Variants in PCDHGA7 observed in about 807,000 individuals in gnomAD.
PCDHGA7 encodes the protein protocadherin gamma subfamily A, 7.
In PCDHGA7, 44 loss-of-function variants were observed where a neutral mutation model predicts 58.3. The observed-to-expected ratio is 0.75, with a 90% CI of 0.59 to 0.97. The LOEUF is 0.97. Ranked by LOEUF, PCDHGA7 falls within the 50% of genes least tolerant of loss-of-function variation. The probability of loss-of-function intolerance (pLI) is 0.00; values close to 1 mark genes in which losing one functional copy is unlikely to be tolerated. For synonymous variants in PCDHGA7, 516 were observed against 504.2 expected (o/e 1.02, Z -0.31); for missense variants, 1,266 against 1,188.7 (o/e 1.06, Z -0.96).
intron 1 of PCDHGA7, among the ~76,000 whole-genome samples, chr5:141,451,073 C>A (rs1346074089): frequency 6.6e-6 from 1 of 151,958 alleles, no homozygotes; most frequent in Non-Finnish European, 1.5e-5. Flanking sequence ...TGTGATCCAC[C>A]CACCTTGACC....
intron 1 of PCDHGA7, among the ~76,000 whole-genome samples, chr5:141,406,791 C>T (rs893207613): frequency 2.0e-5 from 3 of 152,182 alleles, no homozygotes; most frequent in Non-Finnish European, 4.4e-5. Context: ...TATATTATTT[C>T]TGGCTCAATT....
chr5:141,500,499 G>T lies in PCDHGA7; in HGVS notation c.2484-4894G>T, dbSNP rs531501031. On this transcript the variant is annotated intron_variant, in intron 2 of 3. Transcript: ENST00000518325. ...GCTGGGATTACAGGCGTGAGCCACC[G>T]CGCCTGGCCGAGCTTCATTTTAAAA... Among the ~76,000 whole-genome samples, 24 of 152,088 alleles carry T rather than the reference G, an allele frequency of 1.6e-4. 1 individual carries two copies. In the Middle Eastern group the frequency reaches 0.01, roughly 65 times the overall value.
At chr5:141,497,020 C>T (rs138768677) in intron 2 of PCDHGA7, among the ~76,000 whole-genome samples, 8 of 152,122 alleles carry the variant, frequency 5.3e-5, no homozygotes, top group African/African-American at 1.7e-4. Flanking sequence ...GAAACCCCAT[C>T]TCGATTAAAA....
chr5:141,439,458 C>T (rs2098114160), intron 1 of PCDHGA7, among the ~76,000 whole-genome samples: 1 of 152,214 alleles, frequency 6.6e-6, no homozygotes, highest in East Asian at 1.9e-4. Flanking sequence ...AGCAAGACTG[C>T]ACTGCTGCCT....
At chr5:141,481,216 G>T (rs2099534005) in intron 1 of PCDHGA7, among the ~76,000 whole-genome samples, 3 of 152,110 alleles carry the variant, frequency 2.0e-5, no homozygotes, top group Admixed American at 6.5e-5. Flanking sequence ...ACATGGTAAG[G>T]TCTCCCAGCC....
chr5:141,439,638 C>T (rs1256973189), intron 1 of PCDHGA7, among the ~76,000 whole-genome samples: 2 of 152,184 alleles, frequency 1.3e-5, no homozygotes, highest in African/African-American at 4.8e-5. Context: ...GACATTCCGG[C>T]TTGGTGGCTT....
rs761492460 is a variant in PCDHGA7, at chr5:141,389,630, T to C, written c.2424+4307T>C. The C allele has an allele frequency of 9.9e-6, 16 of 1,612,872 alleles. No homozygotes were observed. The Admixed American group carries it at 1.8e-4, about 18-fold the overall frequency. ...ATATGGTGCCGCACGCTGCAGAGCC[T>C]GGCTACTTGGTGACCAAGGTAGTGG... On this transcript the variant is annotated intron_variant, in intron 1 of 3. Coordinates refer to ENST00000518325, the MANE Select transcript of PCDHGA7 (RefSeq NM_018920.4).
chr5:141,389,152 C>T (rs1176301501), intron 1 of PCDHGA7: 2 of 1,614,022 alleles, frequency 1.2e-6, no homozygotes, highest in South Asian at 2.2e-5. Flanking sequence ...GTTACGGCAA[C>T]AGATCGGGGC....
chr5:141,466,147 G>A (rs2099117729), intron 1 of PCDHGA7, among the ~76,000 whole-genome samples: 1 of 151,722 alleles, frequency 6.6e-6, no homozygotes, highest in South Asian at 2.1e-4. Flanking sequence ...TGAAAACTCT[G>A]GTCTTAAACT....
In PCDHGA7 at chr5:141,434,915, T is replaced by A. The variant is rs1301814716; in HGVS notation, c.2424+49592T>A. Among the ~76,000 whole-genome samples, 3 of 151,830 alleles carry A rather than the reference T, an allele frequency of 2.0e-5. No homozygotes were observed. The East Asian group carries it at 5.8e-4, about 29-fold the overall frequency. ...GTCCCCTTCCCTCATACCTTATTTATGTACATATATTTTATATAATAGATA... is the reference window on the plus strand; with the variant it reads ...GTCCCCTTCCCTCATACCTTATTTAAGTACATATATTTTATATAATAGATA... On this transcript the variant is annotated intron_variant, in intron 1 of 3. Transcript: ENST00000518325.
rs138616951 is a variant in PCDHGA7, at chr5:141,490,312, C to T, written c.2425-4495C>T. On this transcript the variant is annotated intron_variant, in intron 1 of 3. Transcript: ENST00000518325. The surrounding 1 kb of genome is among the most constrained non-coding windows in gnomAD (Gnocchi z 5.4). ...GGTGCTATTGGCCTCTTTGGCCAAC[C>T]CTGTCCTAGAGAGCACACCAGTGGG... 67 of 1,614,050 alleles carry T rather than the reference C, an allele frequency of 4.2e-5. No individual in the cohort carries two copies. The highest frequency in any genetic ancestry group is 5.3e-5 in the Non-Finnish European group (63 of 1,180,008).
At chr5:141,450,730 G>A (rs1046738914) in intron 1 of PCDHGA7, among the ~76,000 whole-genome samples, 10 of 152,024 alleles carry the variant, frequency 6.6e-5, no homozygotes, top group Non-Finnish European at 1.2e-4. Flanking sequence ...CAGGTGATCC[G>A]CCCGCCTTGG....
intron 1 of PCDHGA7, chr5:141,414,950 TGACCAA>T (rs778670321): frequency 6.2e-7 from 1 of 1,614,030 alleles, no homozygotes; most frequent in South Asian, 1.1e-5. Context: ...GGCTACCTGG[TGACCAA>T]GGTGGTGGCG....
At chr5:141,430,948 A>C (rs753305931) in intron 1 of PCDHGA7, 47 of 1,609,938 alleles carry the variant, frequency 2.9e-5, no homozygotes, top group Non-Finnish European at 4.0e-5. Context: ...CGGAGCGCGG[A>C]GTCCGCATCA....
chr5:141,490,421 C>T lies in PCDHGA7; in HGVS notation c.2425-4386C>T. On this transcript the variant is annotated intron_variant, in intron 1 of 3. Coordinates refer to ENST00000518325, the MANE Select transcript of PCDHGA7 (RefSeq NM_018920.4). The surrounding 1 kb of genome is among the most constrained non-coding windows in gnomAD (Gnocchi z 5.4). ...AGCCTTGATATCTCTCCGGACCTGCCATTTCAGATTAAGCCTTCTGAGAAC... is the reference window on the plus strand; with the variant it reads ...AGCCTTGATATCTCTCCGGACCTGCTATTTCAGATTAAGCCTTCTGAGAAC... 1 of 1,614,192 alleles carries T rather than the reference C, an allele frequency of 6.2e-7. No homozygotes were observed. The highest frequency in any genetic ancestry group is 8.5e-7 in the Non-Finnish European group (1 of 1,180,016).
At chr5:141,421,169 T>G in intron 1 of PCDHGA7, 2 of 1,340,600 alleles carry the variant, frequency 1.5e-6, no homozygotes, top group South Asian at 1.5e-5. Flanking sequence ...CATAGATACA[T>G]AAGCCGATTC....
intron 1 of PCDHGA7, chr5:141,424,133 T>C: frequency 2.2e-6 from 1 of 450,350 alleles, no homozygotes; most frequent in South Asian, 9.6e-5. Flanking sequence ...GTTGATTTAA[T>C]AGCATGCTCC....
intron 1 of PCDHGA7, chr5:141,412,090 T>C (rs1008718786): frequency 3.3e-5 from 5 of 152,218 alleles, no homozygotes; most frequent in Admixed American, 2.0e-4. Flanking sequence ...ACTGGGTTGA[T>C]GGGCACACAC....
chr5:141,477,361 G>A lies in PCDHGA7; in HGVS notation c.2425-17446G>A. The A allele has an allele frequency of 6.2e-7, 1 of 1,614,172 alleles. No individual in the cohort carries two copies. The highest frequency in any genetic ancestry group is 8.5e-7 in the Non-Finnish European group (1 of 1,180,032). Reference sequence around the variant, plus strand: ...TCACTTTGAAAACCAGTGCAGACCTGGATCGGGAGACTGTGCCAGAATACA... The same window carrying A: ...TCACTTTGAAAACCAGTGCAGACCTAGATCGGGAGACTGTGCCAGAATACA... On this transcript the variant is annotated intron_variant, in intron 1 of 3. Coordinates refer to ENST00000518325, the MANE Select transcript of PCDHGA7 (RefSeq NM_018920.4). The surrounding 1 kb of genome is among the most constrained non-coding windows in gnomAD (Gnocchi z 4.9).
Sources: allele counts gnomAD v4.1 joint callset (sites outside exome capture counted in the v4.1 genomes callset), GRCh38; gene constraint gnomAD v4.1.1; non-coding constraint Gnocchi (gnomAD v3.1); transcripts MANE v1.5; gene names NCBI Gene and HGNC (gene_info 2026-07-23, HGNC 2026-07-21).